MAPK10: variants seen among roughly 807,000 people sequenced by gnomAD.
The protein encoded by MAPK10 is mitogen-activated protein kinase 10, also known as JNK3 alpha protein kinase.
In MAPK10, 25 loss-of-function variants were observed where a neutral mutation model predicts 59.3. The observed-to-expected ratio is 0.42, with a 90% confidence interval of 0.31 to 0.59. The LOEUF is 0.59. MAPK10 is among the 20% of genes least tolerant of loss of function. MAPK10 has a pLI of 0.15. For missense variants in MAPK10, 351 were observed against 568.9 expected, an observed-to-expected ratio of 0.62 and a Z score of 3.90; for synonymous variants, 190 against 200.5, an observed-to-expected ratio of 0.95 and a Z score of 0.44.
At chr4:86,172,120 T>C (rs920599580) in intron 3 of MAPK10, among the ~76,000 whole-genome samples, 3 of 136,064 alleles carry the variant, frequency 2.2e-5, no homozygotes, top group Admixed American at 6.9e-5. Flanking sequence ...TTTTACACTG[T>C]TGGTGGGACT....
intron 2 of MAPK10, among the ~76,000 whole-genome samples, chr4:86,199,163 T>G (rs2082062638): frequency 1.3e-5 from 2 of 151,026 alleles, no homozygotes; most frequent in Admixed American, 1.3e-4. Flanking sequence ...AACACAATAA[T>G]TCCACATCTA....
chr4:86,423,785 A>ATATG (rs1554262366), intron 1 of MAPK10, among the ~76,000 whole-genome samples: 1 of 129,050 alleles, frequency 7.7e-6, no homozygotes, highest in Non-Finnish European at 1.7e-5. Context: ...ATATATATAT[A>ATATG]TATATATATA....
intron 2 of MAPK10, among the ~76,000 whole-genome samples, chr4:86,263,005 T>C (rs1470347686): frequency 6.6e-6 from 1 of 152,172 alleles, no homozygotes; most frequent in African/African-American, 2.4e-5. Flanking sequence ...ATGAAGTATT[T>C]ACTCCTCCAG....
At chr4:86,242,481 C>T (rs889860443) in intron 2 of MAPK10, among the ~76,000 whole-genome samples, 5 of 152,204 alleles carry the variant, frequency 3.3e-5, no homozygotes, top group Non-Finnish European at 5.9e-5. Flanking sequence ...GAGACTGCAG[C>T]CGCCCCTCCC....
At chr4:86,374,390 G>C (rs1168730325) in intron 1 of MAPK10, among the ~76,000 whole-genome samples, 1 of 151,950 alleles carries the variant, frequency 6.6e-6, no homozygotes, top group African/African-American at 2.4e-5. Context: ...ATGTATCCCA[G>C]AACTTAAAGC....
chr4:86,416,614 G>A (rs1273149606), intron 1 of MAPK10, among the ~76,000 whole-genome samples: 2 of 152,172 alleles, frequency 1.3e-5, no homozygotes, highest in Non-Finnish European at 2.9e-5. Context: ...CTGAGTTGGG[G>A]CATATTTTAA....
At chr4:86,380,740 T>C (rs1434592731) in intron 1 of MAPK10, among the ~76,000 whole-genome samples, 2 of 152,108 alleles carry the variant, frequency 1.3e-5, no homozygotes, top group Non-Finnish European at 2.9e-5. Context: ...AAGTGAAGAA[T>C]GAACACAATG....
chr4:86,029,995 C>T (rs2038605451), intron 12 of MAPK10, among the ~76,000 whole-genome samples: 1 of 152,082 alleles, frequency 6.6e-6, no homozygotes, highest in Non-Finnish European at 1.5e-5. Flanking sequence ...AAAATCATTC[C>T]GCCCTACTCA....
intron 1 of MAPK10, among the ~76,000 whole-genome samples, chr4:86,497,609 A>G (rs1302248196): frequency 6.6e-6 from 1 of 152,124 alleles, no homozygotes; most frequent in Non-Finnish European, 1.5e-5. Flanking sequence ...AAGCCATAAA[A>G]CCCAGCAGAA....
chr4:86,235,311 G>A (rs1461552135), intron 2 of MAPK10, among the ~76,000 whole-genome samples: 5 of 152,092 alleles, frequency 3.3e-5, no homozygotes, highest in Non-Finnish European at 5.9e-5. Context: ...TTACCAAAAC[G>A]TGTGCTTTGT....
chr4:86,453,325 C>T (rs1750939511), upstream of MAPK10: 1 of 152,594 alleles, frequency 6.6e-6, no homozygotes, highest in Non-Finnish European at 1.5e-5. Context: ...TGTTTATTTT[C>T]ACAGCTGGGA....
At chr4:86,118,807 T>G (rs2058723938) in intron 4 of MAPK10, among the ~76,000 whole-genome samples, 1 of 152,218 alleles carries the variant, frequency 6.6e-6, no homozygotes. Flanking sequence ...GGGAAATCCC[T>G]AAGCATTACT....
upstream of MAPK10, among the ~76,000 whole-genome samples, chr4:86,456,690 G>A (rs574419829): frequency 5.9e-5 from 9 of 151,968 alleles, no homozygotes; most frequent in Admixed American, 2.6e-4. Flanking sequence ...AAAAAAGTCC[G>A]GAACCAGATG....
intron 2 of MAPK10, among the ~76,000 whole-genome samples, chr4:86,204,022 G>A (rs1383085650): frequency 1.3e-5 from 2 of 151,680 alleles, no homozygotes; most frequent in Non-Finnish European, 2.9e-5. Context: ...AAATTGTATC[G>A]GAACATAGCC....
intron 1 of MAPK10, among the ~76,000 whole-genome samples, chr4:86,500,276 G>A (rs1261170225): frequency 6.6e-6 from 1 of 152,162 alleles, no homozygotes; most frequent in Non-Finnish European, 1.5e-5. Flanking sequence ...GGGAGAAGCA[G>A]ATCAGCTTAT....
In MAPK10 at chr4:86,546,957, G is replaced by A. The variant is rs10023508; in HGVS notation, c.-263+46953C>T. Among the ~76,000 whole-genome samples, 1,366 of 152,276 alleles carry A rather than the reference G, an allele frequency of 9.0e-3. 27 individuals are homozygous for A. Among genetic ancestry groups the A allele is most frequent in the African/African-American group, 0.031 (1,281 of 41,554 alleles). On this transcript the variant is annotated intron_variant, in intron 1 of 4. Coordinates refer to the MAPK10 transcript ENST00000502302. ...TGTAGTCCCAGTTACTCGGGAGGCT[G>A]AGGCAGGAGAACCGTGTGAACCCGG...
chr4:86,067,477 C>T (rs2046981626), intron 10 of MAPK10, among the ~76,000 whole-genome samples: 2 of 152,202 alleles, frequency 1.3e-5, no homozygotes, highest in African/African-American at 4.8e-5. Context: ...AAATCCGTGG[C>T]TACTCCCCTT....
chr4:86,438,682 C>T (rs1455373297), intron 1 of MAPK10, among the ~76,000 whole-genome samples: 2 of 146,502 alleles, frequency 1.4e-5, no homozygotes, highest in East Asian at 2.0e-4. Context: ...AAGAGCAAAA[C>T]TCCATCTCAA....
At chr4:86,370,043 A>T (rs1738517479) in intron 1 of MAPK10, among the ~76,000 whole-genome samples, 1 of 152,208 alleles carries the variant, frequency 6.6e-6, no homozygotes, top group African/African-American at 2.4e-5. Context: ...GCAATGAGAG[A>T]TGTAACCCAC....
Sources: allele counts gnomAD v4.1 joint callset (sites outside exome capture counted in the v4.1 genomes callset), GRCh38; gene constraint gnomAD v4.1.1; transcripts MANE v1.5; gene names NCBI Gene and HGNC (gene_info 2026-07-23, HGNC 2026-07-21).